ADK: variants seen among roughly 807,000 people sequenced by gnomAD.
ADK encodes the protein N6,N6-dimethyladenosine kinase.
ADK carries 24 observed loss-of-function variants against 44.7 expected under a neutral mutation model. The ratio of observed to expected loss-of-function variants is 0.54; its 90% CI spans 0.39 to 0.76. The LOEUF (loss-of-function observed/expected upper bound fraction) is 0.76. Ranked by LOEUF, ADK falls within the 30% of genes least tolerant of loss-of-function variation. The probability of loss-of-function intolerance (pLI) is 0.00; values close to 1 mark genes in which losing one functional copy is unlikely to be tolerated. For synonymous variants in ADK, 128 were observed against 142.6 expected, an observed-to-expected ratio of 0.90 and a Z score of 0.73; for missense variants, 321 against 425.1, an observed-to-expected ratio of 0.76 and a Z score of 2.15.
intron 6 of ADK, among the ~76,000 whole-genome samples, chr10:74,477,640 A>T (rs1020370207): frequency 1.3e-5 from 2 of 152,078 alleles, no homozygotes; most frequent in African/African-American, 2.4e-5. Context: ...GCTTTTCAGG[A>T]TCTCCTTGAC....
chr10:74,211,620 T>A (rs1196367004), intron 2 of ADK, among the ~76,000 whole-genome samples: 1 of 152,338 alleles, frequency 6.6e-6, no homozygotes, highest in South Asian at 2.1e-4. Flanking sequence ...CAGTGTGTGC[T>A]GTCCACTAGA....
intron 10 of ADK, among the ~76,000 whole-genome samples, chr10:74,670,736 G>A (rs1205412663): frequency 6.6e-6 from 1 of 151,946 alleles, no homozygotes; most frequent in African/African-American, 2.4e-5. Context: ...TACTAAAAAG[G>A]GTTAAATTTT....
intron 10 of ADK, among the ~76,000 whole-genome samples, chr10:74,707,004 A>G (rs1856624960): frequency 6.6e-6 from 1 of 152,180 alleles, no homozygotes; most frequent in African/African-American, 2.4e-5. Context: ...GAAGTACCTT[A>G]GAATAAATAT....
At chr10:74,537,843 A>G (rs1849506385) in intron 7 of ADK, among the ~76,000 whole-genome samples, 1 of 152,234 alleles carries the variant, frequency 6.6e-6, no homozygotes, top group African/African-American at 2.4e-5. Context: ...ATAAAATAAC[A>G]GTTTGAAATG....
chr10:74,552,097 G>A (rs983365678), intron 7 of ADK, among the ~76,000 whole-genome samples: 3 of 151,742 alleles, frequency 2.0e-5, no homozygotes, highest in Admixed American at 1.3e-4. Context: ...GATACAGTGG[G>A]CCAACTGTAT....
At chr10:74,568,692 T>C (rs1850794855) in intron 7 of ADK, among the ~76,000 whole-genome samples, 1 of 151,934 alleles carries the variant, frequency 6.6e-6, no homozygotes, top group Non-Finnish European at 1.5e-5. Context: ...TATTTGGTCT[T>C]ATGAATACAG....
At chr10:74,429,477 G>T (rs570054425) in intron 6 of ADK, among the ~76,000 whole-genome samples, 31 of 152,110 alleles carry the variant, frequency 2.0e-4, no homozygotes, top group Non-Finnish European at 3.5e-4. Flanking sequence ...GCAGACACTT[G>T]CATATTCTTT....
intron 9 of ADK, chr10:74,661,282 T>C: frequency 1.0e-6 from 1 of 962,344 alleles, no homozygotes; most frequent in Non-Finnish European, 1.2e-6. Context: ...ATCACCTTTT[T>C]TTCAGGAAAA....
intron 6 of ADK, among the ~76,000 whole-genome samples, chr10:74,485,486 TAAA>T (rs928655049): frequency 5.3e-5 from 8 of 150,216 alleles, no homozygotes; most frequent in Admixed American, 4.0e-4. Context: ...AATAAATAAA[TAAA>T]TAAATAAATA....
chr10:74,650,879 G>A (rs1308009449), intron 9 of ADK, among the ~76,000 whole-genome samples: 1 of 152,156 alleles, frequency 6.6e-6, no homozygotes, highest in African/African-American at 2.4e-5. Context: ...GCTATATGAT[G>A]TAATGTCCCT....
At chr10:74,696,119 C>T (rs1398518898) in intron 10 of ADK, among the ~76,000 whole-genome samples, 1 of 152,078 alleles carries the variant, frequency 6.6e-6, no homozygotes, top group Non-Finnish European at 1.5e-5. Context: ...CTCCCGGATT[C>T]AAGCAATTCT....
intron 1 of ADK, among the ~76,000 whole-genome samples, chr10:74,166,653 C>T (rs1842040973): frequency 1.4e-5 from 2 of 141,822 alleles, no homozygotes; most frequent in Admixed American, 7.4e-5. Context: ...CGCCACTGCA[C>T]TCCAGCCTGG....
intron 3 of ADK, among the ~76,000 whole-genome samples, chr10:74,288,409 G>A (rs1324117252): frequency 6.6e-6 from 1 of 152,154 alleles, no homozygotes; most frequent in East Asian, 1.9e-4. Context: ...CAGCACTTCG[G>A]GAGGCTGAGG....
chr10:74,283,972 G>A (rs11000957), intron 3 of ADK, among the ~76,000 whole-genome samples: 6,776 of 147,724 alleles, frequency 0.046, 525 homozygotes, highest in African/African-American at 0.16. Context: ...GAGCCACTGC[G>A]CCCAGCTCGC....
At chr10:74,487,014 A>G (rs1008931723) in intron 6 of ADK, among the ~76,000 whole-genome samples, 4 of 152,252 alleles carry the variant, frequency 2.6e-5, no homozygotes, top group Non-Finnish European at 5.9e-5. Flanking sequence ...CCTTATTCAA[A>G]GTGGCTTTCT....
chr10:74,420,577 T>C (rs11001034), intron 6 of ADK, among the ~76,000 whole-genome samples: 68,503 of 151,976 alleles, frequency 0.45, 18,838 homozygotes, highest in Non-Finnish European at 0.61. Context: ...CCCTGGAAAA[T>C]ATTTTATAAA....
intron 6 of ADK, among the ~76,000 whole-genome samples, chr10:74,436,964 T>C (rs1845198078): frequency 6.6e-6 from 1 of 152,058 alleles, no homozygotes; most frequent in Admixed American, 6.5e-5. Flanking sequence ...ATAGAAAATC[T>C]TAAGGAATCC....
At chr10:74,697,763 T>C (rs959279090) in intron 10 of ADK, among the ~76,000 whole-genome samples, 1 of 152,210 alleles carries the variant, frequency 6.6e-6, no homozygotes. Context: ...AAATTCTAGA[T>C]GCTATAGCTC....
intron 6 of ADK, among the ~76,000 whole-genome samples, chr10:74,485,905 G>A (rs915992674): frequency 3.3e-5 from 5 of 152,076 alleles, no homozygotes; most frequent in Admixed American, 2.6e-4. Context: ...TAACAAGTAG[G>A]GGTGTATATG....
Sources: gnomAD v4.1 joint callset for allele counts (sites outside exome capture counted in the v4.1 genomes callset) on GRCh38, gnomAD v4.1.1 for gene constraint, MANE v1.5 for transcripts, NCBI Gene and HGNC (gene_info 2026-07-23, HGNC 2026-07-21) for gene names.